The following PDE1A variants were observed in gnomAD, a reference collection of about 807,000 sequenced individuals.
The protein encoded by PDE1A is phosphodiesterase 1A.
Under a neutral mutation model 61.7 loss-of-function variants are expected in PDE1A, and 35 were observed. That is an observed-to-expected ratio of 0.57 (90% CI 0.43 to 0.75). PDE1A has a LOEUF of 0.75. Ranked by LOEUF, PDE1A falls within the 30% of genes least tolerant of loss-of-function variation. PDE1A has a pLI of 0.00. For missense variants in PDE1A, 597 were observed against 630.6 expected, an observed-to-expected ratio of 0.95 and a Z score of 0.57; for synonymous variants, 232 against 213.2, an observed-to-expected ratio of 1.09 and a Z score of -0.77.
intron 1 of PDE1A, among the ~76,000 whole-genome samples, chr2:182,359,553 C>T (rs1005917023): frequency 1.3e-5 from 2 of 152,042 alleles, no homozygotes; most frequent in African/African-American, 4.8e-5. Flanking sequence ...TAATGCATTT[C>T]CCTCGTTTGA....
intron 1 of PDE1A, among the ~76,000 whole-genome samples, chr2:182,308,093 AT>A (rs776378459): frequency 3.3e-5 from 5 of 152,146 alleles, no homozygotes; most frequent in Non-Finnish European, 7.4e-5. Context: ...CACTGGAGAA[AT>A]TACTCTTTTT....
intron 2 of PDE1A, among the ~76,000 whole-genome samples, chr2:182,250,810 A>T (rs1256001465): frequency 1.3e-5 from 2 of 152,148 alleles, no homozygotes; most frequent in Non-Finnish European, 2.9e-5. Flanking sequence ...CCAAGGTAAG[A>T]CCTACGGAGT....
chr2:182,426,494 T>C (rs900162207), intron 1 of PDE1A, 84 bp downstream of exon 1: 7 of 962,766 alleles, frequency 7.3e-6, no homozygotes, highest in Non-Finnish European at 1.2e-5. Context: ...TGTAGCTTAG[T>C]GGCAGAATCC....
chr2:182,169,641 G>GTGTT (rs1489470436), intron 13 of PDE1A, among the ~76,000 whole-genome samples: 3 of 151,950 alleles, frequency 2.0e-5, no homozygotes, highest in Non-Finnish European at 4.4e-5. Context: ...CTAACTATGA[G>GTGTT]TAAACATCTA....
the PDE1A span, among the ~76,000 whole-genome samples, chr2:182,681,751 T>C: frequency 6.6e-6 from 1 of 152,118 alleles, no homozygotes; most frequent in Non-Finnish European, 1.5e-5. Context: ...GTTCCCACTA[T>C]TCTCCTGCCT....
At chr2:182,572,773 G>A in the PDE1A span, among the ~76,000 whole-genome samples, 87 of 151,300 alleles carry the variant, frequency 5.8e-4, no homozygotes, top group Non-Finnish European at 1.1e-3. Context: ...GGGAGGTGAG[G>A]CAGGAGAATG....
chr2:182,474,271 G>A (rs144080332), intron 2 of PDE1A, among the ~76,000 whole-genome samples: 1 of 151,920 alleles, frequency 6.6e-6, no homozygotes, highest in Admixed American at 6.6e-5. Context: ...GCTAAGAAAG[G>A]CTCTTTCAGA....
intron 1 of PDE1A, among the ~76,000 whole-genome samples, chr2:182,410,100 C>T (rs1702525940): frequency 6.6e-6 from 1 of 152,118 alleles, no homozygotes; most frequent in Admixed American, 6.5e-5. Flanking sequence ...GCTTGTAATC[C>T]CAGCACTTTG....
At chr2:182,522,202 G>C (rs192956754) in intron 2 of PDE1A, 105 of 1,256,864 alleles carry the variant, frequency 8.4e-5, no homozygotes, top group Middle Eastern at 3.7e-4. Context: ...CCACAAAGGC[G>C]GATAGCACCA....
At chr2:182,331,443 C>T (rs1004505210) in intron 1 of PDE1A, among the ~76,000 whole-genome samples, 1 of 152,072 alleles carries the variant, frequency 6.6e-6, no homozygotes, top group Non-Finnish European at 1.5e-5. Flanking sequence ...TTCATAGTGT[C>T]GATGGTCTTT....
At chr2:182,300,472 C>T (rs1695166903) in intron 1 of PDE1A, among the ~76,000 whole-genome samples, 1 of 152,118 alleles carries the variant, frequency 6.6e-6, no homozygotes, top group South Asian at 2.1e-4. Flanking sequence ...ATAGTATGGA[C>T]AAGCCTTCCC....
chr2:182,186,888 TA>T (rs1281099522), intron 11 of PDE1A, among the ~76,000 whole-genome samples: 2 of 152,228 alleles, frequency 1.3e-5, no homozygotes, highest in Non-Finnish European at 2.9e-5. Context: ...TTGCTAACAA[TA>T]CATTTAGATC....
chr2:182,336,486 A>G (rs2577664), intron 1 of PDE1A, among the ~76,000 whole-genome samples: 143,599 of 152,148 alleles, frequency 0.94, 68,316 homozygotes, highest in East Asian at 1. Flanking sequence ...GATGAAGCTG[A>G]ACACCATCAT....
chr2:182,164,807 T>G (rs1046745261), downstream of PDE1A, among the ~76,000 whole-genome samples: 3 of 152,138 alleles, frequency 2.0e-5, no homozygotes, highest in Non-Finnish European at 4.4e-5. Context: ...CATTTTGTCC[T>G]TACTGGCATA....
the PDE1A span, among the ~76,000 whole-genome samples, chr2:182,541,053 T>TAA: frequency 6.6e-6 from 1 of 152,154 alleles, no homozygotes; most frequent in Non-Finnish European, 1.5e-5. Flanking sequence ...GAACGATGGC[T>TAA]GATTGGCTAC....
intron 2 of PDE1A, among the ~76,000 whole-genome samples, chr2:182,483,912 G>T (rs1687852664): frequency 6.6e-6 from 1 of 151,784 alleles, no homozygotes; most frequent in African/African-American, 2.4e-5. Context: ...TTACACTCAA[G>T]AATGAAAGAG....
the PDE1A span, among the ~76,000 whole-genome samples, chr2:182,564,523 A>G: frequency 6.6e-6 from 1 of 151,954 alleles, no homozygotes; most frequent in Non-Finnish European, 1.5e-5. Context: ...GACTCTGACA[A>G]TTATGTCTTG....
the PDE1A span, among the ~76,000 whole-genome samples, chr2:182,647,873 C>T: frequency 6.6e-6 from 1 of 151,482 alleles, no homozygotes. Context: ...AAGAGCTAGG[C>T]AGAGGAGGAC....
At position 182,330,587 on chromosome 2, in the gene PDE1A, T is replaced by C. The variant is rs148574596; in HGVS notation, c.54-66173A>G. Among the ~76,000 whole-genome samples, 56 of 152,186 alleles carry C rather than the reference T, an allele frequency of 3.7e-4. No homozygotes were observed. In the East Asian group the frequency reaches 8.2e-3, roughly 22 times the overall value. On this transcript the variant is annotated intron_variant, in intron 1 of 13. Coordinates refer to ENST00000351439, the Ensembl canonical transcript of PDE1A. Reference sequence around the variant, plus strand: ...TTTTCTCTCTGGCTTCAACCGTCTCTTTCTGCAAGACTGCTTACTGTCCCC... The same window carrying C: ...TTTTCTCTCTGGCTTCAACCGTCTCCTTCTGCAAGACTGCTTACTGTCCCC...
Sources: allele counts gnomAD v4.1 joint callset (sites outside exome capture counted in the v4.1 genomes callset), GRCh38; gene constraint gnomAD v4.1.1; transcripts MANE v1.5; gene names NCBI Gene and HGNC (gene_info 2026-07-23, HGNC 2026-07-21).